AVL9: variants seen among roughly 807,000 people sequenced by gnomAD.
The protein encoded by AVL9 is AVL9 cell migration associated.
In AVL9, 49 loss-of-function variants were observed where a neutral mutation model predicts 79.2. That is an observed-to-expected ratio of 0.62 (90% CI 0.49 to 0.79). The LOEUF (loss-of-function observed/expected upper bound fraction) is 0.79. Among genes scored for constraint, AVL9 ranks in the 30% least tolerant of loss-of-function variants. The pLI is 0.00. For synonymous variants in AVL9, 299 were observed against 280.6 expected (o/e 1.07, Z -0.65); for missense variants, 682 against 776.8 (o/e 0.88, Z 1.45).
intron 1 of AVL9, among the ~76,000 whole-genome samples, chr7:32,523,300 T>C (rs986752473): frequency 2.0e-5 from 3 of 151,084 alleles, no homozygotes; most frequent in African/African-American, 7.3e-5. Context: ...GAGTTTATCA[T>C]GAGAAAGCTG....
At chr7:32,520,623 G>A (rs1788099963) in intron 1 of AVL9, among the ~76,000 whole-genome samples, 1 of 152,160 alleles carries the variant, frequency 6.6e-6, no homozygotes, top group Admixed American at 6.5e-5. Flanking sequence ...TGCAAGCCAT[G>A]TAGGACTACC....
intron 1 of AVL9, among the ~76,000 whole-genome samples, chr7:32,541,349 T>A (rs1490991231): frequency 6.6e-6 from 1 of 152,186 alleles, no homozygotes; most frequent in Non-Finnish European, 1.5e-5. Flanking sequence ...TAAATAAATA[T>A]CTGTACATCA....
intron 1 of AVL9, among the ~76,000 whole-genome samples, chr7:32,519,801 T>A (rs1788064001): frequency 6.6e-6 from 1 of 152,198 alleles, no homozygotes. Context: ...TTTGTAAAGA[T>A]AAAAGGTTTA....
At chr7:32,496,498 C>G (rs1786819828) in intron 1 of AVL9, among the ~76,000 whole-genome samples, 1 of 152,168 alleles carries the variant, frequency 6.6e-6, no homozygotes, top group Non-Finnish European at 1.5e-5. Context: ...TTTCAGCAGC[C>G]TCACTGAATC....
At chr7:32,517,811 G>GTTT (rs143487006) in intron 1 of AVL9, among the ~76,000 whole-genome samples, 113 of 128,632 alleles carry the variant, frequency 8.8e-4, no homozygotes, top group Middle Eastern at 4.3e-3. Context: ...TTGCTTGTGT[G>GTTT]TTTTTTTTTT....
At chr7:32,496,297 A>C (rs1346578993) in intron 1 of AVL9, among the ~76,000 whole-genome samples, 1 of 152,088 alleles carries the variant, frequency 6.6e-6, no homozygotes, top group African/African-American at 2.4e-5. Context: ...TCCTTTGTTT[A>C]TCTGATGGAA....
In AVL9 at chr7:32,524,555, C is replaced by G. The variant is rs933520819; in HGVS notation, c.94-18586C>G. On this transcript the variant is annotated intron_variant, in intron 1 of 15. Transcript: ENST00000318709. ...ACACACACACACACACACACACACACACAGAGAGAAAAGAAAATGGGTATT... is the reference window on the plus strand; with the variant it reads ...ACACACACACACACACACACACACAGACAGAGAGAAAAGAAAATGGGTATT... Among the ~76,000 whole-genome samples, 333 of 75,300 alleles carry G rather than the reference C, an allele frequency of 4.4e-3. 4 individuals carry two copies. The highest frequency in any genetic ancestry group is 0.015 in the African/African-American group (321 of 21,290). 49.4% of individuals were successfully genotyped at this position (75,300 alleles called of 152,430 possible). A position where few individuals can be genotyped will look rare whatever the true frequency, so the allele number is the denominator to read the frequency against.
intron 3 of AVL9, among the ~76,000 whole-genome samples, chr7:32,545,708 C>G (rs1789464039): frequency 6.6e-6 from 1 of 152,168 alleles, no homozygotes; most frequent in African/African-American, 2.4e-5. Context: ...TATAATAGCT[C>G]TAATTGATAA....
In AVL9 at chr7:32,579,509, ATATTATATTATATAT is replaced by A. The variant is rs1562801992; in HGVS notation, c.1689-706_1689-692del. 2.8e-3 allele frequency among the ~76,000 whole-genome samples: 29 copies of A among 10,236 alleles called. 12 individuals are homozygous for A. Among genetic ancestry groups the A allele is most frequent in the African/African-American group, 0.011 (27 of 2,454 alleles). The allele number at this position is 10,236 out of a possible 152,430, so 6.7% of individuals were successfully genotyped here. Reference sequence around the variant, plus strand: ...TAATATATTACATATTATATATTATATATTATATTATATATTATATATTATATTATATATTATATA... The same window carrying A: ...TAATATATTACATATTATATATTATATATATATTATATTATATATTATATA... On this transcript the variant is annotated intron_variant, in intron 13 of 15. Coordinates refer to ENST00000318709, the MANE Select transcript of AVL9 (RefSeq NM_015060.3).
chr7:32,528,455 C>T (rs1005697884), intron 1 of AVL9, among the ~76,000 whole-genome samples: 1 of 152,062 alleles, frequency 6.6e-6, no homozygotes, highest in Non-Finnish European at 1.5e-5. Flanking sequence ...GGAGAGAGCC[C>T]GTTTTGCTCA....
chr7:32,543,243 G>A lies in AVL9; in HGVS notation c.196G>A (p.Ala66Thr), dbSNP rs543517595. Residue 66 changes from alanine to threonine, a missense_variant, in exon 2 of 16, where the codon GCA becomes ACA. Coordinates refer to ENST00000318709, the MANE Select transcript of AVL9 (RefSeq NM_015060.3). ...GCCCTTCCTTGCCTTACCAGATGGC[G>A]CACACAACTACCAGGAAGGTATGTA... ...YLPFLALPDG[A>T]HNYQEDTVFF... The A allele has an allele frequency of 2.5e-5, 40 of 1,613,920 alleles. No homozygotes were observed. Among genetic ancestry groups the A allele is most frequent in the African/African-American group, 5.3e-5 (4 of 74,902 alleles).
At chr7:32,510,490 A>G (rs1490748962) in intron 1 of AVL9, among the ~76,000 whole-genome samples, 4 of 115,526 alleles carry the variant, frequency 3.5e-5, no homozygotes, top group East Asian at 2.7e-4. Flanking sequence ...TTCATGAGCC[A>G]TCAGGTCTCG....
At chr7:32,524,408 G>A (rs1312653633) in intron 1 of AVL9, among the ~76,000 whole-genome samples, 2 of 151,916 alleles carry the variant, frequency 1.3e-5, no homozygotes, top group Non-Finnish European at 2.9e-5. Context: ...CCAGCTACTC[G>A]GGAGGCTGAG....
At chr7:32,560,471 C>T (rs1790285038) in intron 10 of AVL9, among the ~76,000 whole-genome samples, 1 of 152,144 alleles carries the variant, frequency 6.6e-6, no homozygotes, top group Non-Finnish European at 1.5e-5. Context: ...TAAGAAGCAG[C>T]TCCTCATCCG....
At chr7:32,551,018 T>A (rs1033939590) in intron 4 of AVL9, among the ~76,000 whole-genome samples, 6 of 152,284 alleles carry the variant, frequency 3.9e-5, no homozygotes, top group Non-Finnish European at 7.4e-5. Flanking sequence ...ACTATTTTCA[T>A]ATGCCCATGT....
At chr7:32,502,321 A>T (rs1787162647) in intron 1 of AVL9, among the ~76,000 whole-genome samples, 1 of 149,352 alleles carries the variant, frequency 6.7e-6, no homozygotes. Context: ...TGAGCCCAGC[A>T]GGTCGAAGCT....
At chr7:32,522,228 T>C (rs1253163604) in intron 1 of AVL9, among the ~76,000 whole-genome samples, 1 of 152,090 alleles carries the variant, frequency 6.6e-6, no homozygotes, top group African/African-American at 2.4e-5. Flanking sequence ...GAATGGTAGA[T>C]CCACTGACAG....
chr7:32,524,553 CACACAG>C (rs60979963), intron 1 of AVL9, among the ~76,000 whole-genome samples: 26,871 of 96,140 alleles, frequency 0.28, 2,679 homozygotes, highest in South Asian at 0.42. Flanking sequence ...CACACACACA[CACACAG>C]AGAGAAAAGA....
chr7:32,529,199 G>C (rs1046731060), intron 1 of AVL9, among the ~76,000 whole-genome samples: 10 of 152,218 alleles, frequency 6.6e-5, no homozygotes, highest in African/African-American at 2.4e-4. Flanking sequence ...ACTCTGATGA[G>C]CTGAGCAGAA....
Sources: allele counts gnomAD v4.1 joint callset (sites outside exome capture counted in the v4.1 genomes callset), GRCh38; gene constraint gnomAD v4.1.1; transcripts MANE v1.5; gene names NCBI Gene and HGNC (gene_info 2026-07-23, HGNC 2026-07-21).